DGKB: variants seen among roughly 807,000 people sequenced by gnomAD.
DGKB encodes 90 kDa diacylglycerol kinase.
A neutral mutation model predicts 114.3 loss-of-function variants in DGKB; 67 were observed. The ratio of observed to expected loss-of-function variants is 0.59; its 90% CI spans 0.48 to 0.72. The LOEUF (loss-of-function observed/expected upper bound fraction) is 0.72. Among genes scored for constraint, DGKB ranks in the 30% least tolerant of loss-of-function variants. The pLI, the probability that DGKB is intolerant of heterozygous loss-of-function variation, is 0.00. For synonymous variants in DGKB, 398 were observed against 323.1 expected (o/e 1.23, Z -2.49); for missense variants, 907 against 975.2 (o/e 0.93, Z 0.93).
At chr7:14,623,457 A>G (rs1808009634) in intron 14 of DGKB, among the ~76,000 whole-genome samples, 1 of 152,190 alleles carries the variant, frequency 6.6e-6, no homozygotes, top group Non-Finnish European at 1.5e-5. Flanking sequence ...ATTAAGTATA[A>G]TCACCCTTCT....
chr7:14,624,404 T>A (rs984061484), intron 14 of DGKB, among the ~76,000 whole-genome samples: 2 of 152,194 alleles, frequency 1.3e-5, no homozygotes, highest in Admixed American at 1.3e-4. Context: ...ACTTGAAGAA[T>A]TAAATAAAAT....
Position 14,560,555 on chromosome 7 carries a change from T to G in DGKB, c.1770+13657A>C, listed in dbSNP as rs189045348. ...TGCAAAACTTTCTTTTTTAAAAAAC[T>G]GAATAACATTCAGTTGTATGTATAG... On this transcript the variant is annotated intron_variant, in intron 20 of 25. Coordinates refer to ENST00000402815, the MANE Select transcript of DGKB (RefSeq NM_001350709.2). Among the ~76,000 whole-genome samples the G allele has an allele frequency of 1.7e-3, 252 of 152,346 alleles. 1 individual carries two copies. The highest frequency in any genetic ancestry group is 5.6e-3 in the African/African-American group (235 of 41,600).
chr7:14,254,690 TCTAGTTACCTAA>T (rs1795710734), intron 23 of DGKB, among the ~76,000 whole-genome samples: 1 of 152,194 alleles, frequency 6.6e-6, no homozygotes, highest in Admixed American at 6.5e-5. Flanking sequence ...TCTAGCCACT[TCTAGTTACCTAA>T]AAATCTTTCT....
chr7:14,419,815 G>A (rs2128761320), intron 21 of DGKB, among the ~76,000 whole-genome samples: 1 of 152,060 alleles, frequency 6.6e-6, no homozygotes, highest in East Asian at 1.9e-4. Flanking sequence ...GCACTGGCTT[G>A]TTTCATGAAG....
chr7:14,808,855 T>G (rs1267100098), intron 2 of DGKB, among the ~76,000 whole-genome samples: 3 of 152,088 alleles, frequency 2.0e-5, no homozygotes, highest in Non-Finnish European at 2.9e-5. Context: ...AAGAAGTAGG[T>G]CTATTCCTCA....
intron 21 of DGKB, among the ~76,000 whole-genome samples, chr7:14,477,032 G>A (rs764149645): frequency 1.3e-5 from 2 of 152,028 alleles, no homozygotes; most frequent in African/African-American, 4.8e-5. Context: ...TTACAGGCGT[G>A]AGCCACCGTG....
chr7:14,635,809 T>C (rs974326594), intron 13 of DGKB, among the ~76,000 whole-genome samples: 2 of 151,574 alleles, frequency 1.3e-5, no homozygotes, highest in African/African-American at 4.8e-5. Context: ...AAATTTTATG[T>C]TCATAAAATT....
At chr7:14,955,243 C>T (rs959843073) in intron 1 of DGKB, among the ~76,000 whole-genome samples, 3 of 151,986 alleles carry the variant, frequency 2.0e-5, no homozygotes, top group Non-Finnish European at 2.9e-5. Context: ...TTTTGTATTA[C>T]CATTGTTCCA....
intron 20 of DGKB, among the ~76,000 whole-genome samples, chr7:14,555,329 G>A (rs914629104): frequency 2.0e-5 from 3 of 152,104 alleles, no homozygotes; most frequent in Admixed American, 6.6e-5. Flanking sequence ...TTGTGCCACC[G>A]TATTTTAGTT....
chr7:14,511,322 C>A (rs1231674166), intron 20 of DGKB, among the ~76,000 whole-genome samples: 4 of 152,188 alleles, frequency 2.6e-5, no homozygotes, highest in African/African-American at 4.8e-5. Context: ...GCTTCTCTGT[C>A]AGCACTTGCT....
In DGKB at chr7:14,702,696, A is replaced by G. The variant is rs529206408; in HGVS notation, c.467-966T>C. Among the ~76,000 whole-genome samples the G allele has an allele frequency of 2.6e-5, 4 of 152,314 alleles. No individual in the cohort carries two copies. In the East Asian group the frequency reaches 5.8e-4, roughly 22 times the overall value. On this transcript the variant is annotated intron_variant, in intron 6 of 25. Transcript: ENST00000402815. ...TTGTATAATTTCCTGAATGATCTTG[A>G]TGTCTGAAGTCTATAATATTAATAA... is the stretch of plus-strand genomic sequence containing the variant.
At position 14,518,809 on chromosome 7, in the gene DGKB, T is replaced by A. The variant is rs150111710; in HGVS notation, c.1771-40584A>T. ...ATTACTATAGGAATTTATAGGAATG[T>A]GGCTCTTCAATTTTAGCACATACCA... On this transcript the variant is annotated intron_variant, in intron 20 of 25. Coordinates refer to ENST00000402815, the MANE Select transcript of DGKB (RefSeq NM_001350709.2). Among the ~76,000 whole-genome samples, 633 of 152,194 alleles carry A rather than the reference T, an allele frequency of 4.2e-3. 4 individuals carry two copies. Among genetic ancestry groups the A allele is most frequent in the Non-Finnish European group, 5.7e-3 (386 of 67,964 alleles).
chr7:14,742,221 G>C (rs1326424178), intron 4 of DGKB, among the ~76,000 whole-genome samples: 1 of 152,142 alleles, frequency 6.6e-6, no homozygotes, highest in Non-Finnish European at 1.5e-5. Context: ...TGTTACCTCT[G>C]TTTCTTGAAG....
At chr7:14,461,153 G>T (rs954535400) in intron 21 of DGKB, among the ~76,000 whole-genome samples, 1 of 152,122 alleles carries the variant, frequency 6.6e-6, no homozygotes, top group Non-Finnish European at 1.5e-5. Flanking sequence ...GAGCAGGAAA[G>T]GTCTAAAATC....
intron 1 of DGKB, among the ~76,000 whole-genome samples, chr7:14,899,856 AT>A (rs1302354550): frequency 6.6e-6 from 1 of 152,166 alleles, no homozygotes; most frequent in African/African-American, 2.4e-5. Flanking sequence ...GTAGAGTACC[AT>A]TTTAATTTTT....
At chr7:14,892,175 G>A (rs1018263468) in intron 1 of DGKB, among the ~76,000 whole-genome samples, 1 of 151,336 alleles carries the variant, frequency 6.6e-6, no homozygotes, top group African/African-American at 2.4e-5. Flanking sequence ...AGAGAGCAAT[G>A]TTATCACTTA....
chr7:14,323,357 T>C (rs1457748449), intron 23 of DGKB, among the ~76,000 whole-genome samples: 1 of 152,168 alleles, frequency 6.6e-6, no homozygotes, highest in African/African-American at 2.4e-5. Flanking sequence ...ATAGGTGTAT[T>C]GACTATCAAA....
At chr7:14,302,787 G>T (rs1473013997) in intron 23 of DGKB, among the ~76,000 whole-genome samples, 2 of 152,050 alleles carry the variant, frequency 1.3e-5, no homozygotes, top group Non-Finnish European at 2.9e-5. Flanking sequence ...CTTCATATTG[G>T]AAAGCAGATG....
chr7:14,828,851 G>C (rs1311206069), intron 2 of DGKB, among the ~76,000 whole-genome samples: 1 of 152,078 alleles, frequency 6.6e-6, no homozygotes, highest in Non-Finnish European at 1.5e-5. Context: ...ACACTCAGTA[G>C]TCTGAATGTA....
Sources: allele counts gnomAD v4.1 joint callset (sites outside exome capture counted in the v4.1 genomes callset), GRCh38; gene constraint gnomAD v4.1.1; transcripts MANE v1.5; gene names NCBI Gene and HGNC (gene_info 2026-07-23, HGNC 2026-07-21).